The following ACSL3 variants were observed in gnomAD, a reference collection of about 807,000 sequenced individuals.
ACSL3 encodes the protein fatty acid CoA ligase Acsl3.
In ACSL3, 34 loss-of-function variants were observed where a neutral mutation model predicts 84.7. The observed-to-expected ratio is 0.40, with a 90% confidence interval of 0.31 to 0.53. ACSL3 has a LOEUF of 0.53. Among genes scored for constraint, ACSL3 ranks in the 20% least tolerant of loss-of-function variants. The pLI is 0.48. For synonymous variants in ACSL3, 315 were observed against 299.4 expected (o/e 1.05, Z -0.54); for missense variants, 680 against 873.1 (o/e 0.78, Z 2.79).
chr2:222,872,187 C>T (rs527995004), intron 1 of ACSL3, among the ~76,000 whole-genome samples: 23 of 152,272 alleles, frequency 1.5e-4, no homozygotes, highest in South Asian at 8.3e-4. Flanking sequence ...TGCAGTGGCA[C>T]GATCTTGGCT....
intron 3 of ACSL3, among the ~76,000 whole-genome samples, chr2:222,902,645 A>G (rs1455276810): frequency 6.6e-6 from 1 of 152,198 alleles, no homozygotes; most frequent in Non-Finnish European, 1.5e-5. Flanking sequence ...ATGTGGACAC[A>G]TTGAAGGATG....
At chr2:222,921,641 A>C (rs1170162769) in intron 8 of ACSL3, among the ~76,000 whole-genome samples, 2 of 152,204 alleles carry the variant, frequency 1.3e-5, no homozygotes, top group African/African-American at 4.8e-5. Flanking sequence ...ATATATTTTA[A>C]AAAGTACAGA....
At chr2:222,901,795 A>G (rs1696157099) in intron 3 of ACSL3, among the ~76,000 whole-genome samples, 1 of 152,012 alleles carries the variant, frequency 6.6e-6, no homozygotes, top group African/African-American at 2.4e-5. Context: ...AAATACAAAA[A>G]TTAGCTGGGC....
At chr2:222,880,831 C>CAAAA (rs34509695) in intron 1 of ACSL3, among the ~76,000 whole-genome samples, 1 of 75,690 alleles carries the variant, frequency 1.3e-5, no homozygotes, top group African/African-American at 4.5e-5. Flanking sequence ...CTCTGTCTCC[C>CAAAA]AAAAAAAAAA....
chr2:222,899,001 G>T (rs1696066834), intron 2 of ACSL3, among the ~76,000 whole-genome samples: 1 of 152,132 alleles, frequency 6.6e-6, no homozygotes. Context: ...AGGACATTTT[G>T]TCTATTTGAG....
intron 11 of ACSL3, among the ~76,000 whole-genome samples, 164 bp downstream of exon 11, chr2:222,924,759 C>T (rs568300368): frequency 6.6e-6 from 1 of 152,292 alleles, no homozygotes; most frequent in Admixed American, 6.5e-5. Context: ...CGCGGTGGCT[C>T]ATGCCTGTAA....
At chr2:222,916,699 A>G (rs754701893) in intron 5 of ACSL3, 4 of 466,364 alleles carry the variant, frequency 8.6e-6, no homozygotes, top group Non-Finnish European at 1.4e-5. Context: ...TGTTGCAGTG[A>G]GGCTTGAACC....
Position 222,927,057 on chromosome 2 carries a change from A to G in ACSL3, c.1333A>G (p.Ile445Val), listed in dbSNP as rs746842587. ...AGTTCGAAGCTTGCTAGGGGGAAAT[A>G]TTCGTCTCCTGTTGTGTGGTGGCGC... ...RKVRSLLGGN[I>V]RLLLCGGAPL... The change falls in exon 12 of 17, where the codon ATT (isoleucine) becomes GTT (valine). Residue 445 changes from isoleucine (I) to valine (V), a missense_variant. Transcript: ENST00000357430. 23 of 1,613,870 alleles carry G rather than the reference A, an allele frequency of 1.4e-5. No homozygotes were observed. Among genetic ancestry groups the G allele is most frequent in the Non-Finnish European group, 1.8e-5 (21 of 1,179,804 alleles).
chr2:222,882,991 A>G (rs1695629372), intron 1 of ACSL3, among the ~76,000 whole-genome samples: 1 of 26,040 alleles, frequency 3.8e-5, no homozygotes, highest in South Asian at 2.0e-3. Context: ...ATGGGCTCGA[A>G]TCTCCTGACC....
chr2:222,861,072 A>C lies in ACSL3; in HGVS notation c.-393A>C, dbSNP rs1394031417. Reference sequence around the variant, plus strand: ...TGGCTGCGCCGGGCTGCGACACTGCAGTTGTCTACGCGGCCGGGGCCGGGA... The same window carrying C: ...TGGCTGCGCCGGGCTGCGACACTGCCGTTGTCTACGCGGCCGGGGCCGGGA... On this transcript the variant is annotated 5_prime_UTR_variant, in exon 1 of 17. Coordinates refer to ENST00000357430, the MANE Select transcript of ACSL3 (RefSeq NM_004457.5). 1 of 152,214 alleles carries C rather than the reference A, an allele frequency of 6.6e-6. No homozygotes were observed. Among genetic ancestry groups the C allele is most frequent in the Admixed American group, 6.5e-5 (1 of 15,286 alleles). The allele number at this position is 152,214 out of a possible 1,614,324, so 9.4% of individuals were successfully genotyped here. A position where few individuals can be genotyped will look rare whatever the true frequency, so the allele number is the denominator to read the frequency against.
intron 1 of ACSL3, among the ~76,000 whole-genome samples, chr2:222,878,566 A>T (rs904276997): frequency 1.3e-5 from 2 of 152,098 alleles, no homozygotes; most frequent in African/African-American, 4.8e-5. Flanking sequence ...TTTATCCTAC[A>T]ATTGAATATA....
At chr2:222,908,707 A>G (rs1696359761) in intron 3 of ACSL3, 26 bp from the exon 4 acceptor site, 1 of 1,393,780 alleles carries the variant, frequency 7.2e-7, no homozygotes, top group Non-Finnish European at 9.8e-7. Context: ...ATTTTGAACT[A>G]ACGCCTTTCT....
At position 222,927,237 on chromosome 2, in the gene ACSL3, T is replaced by C. The variant is rs1309887827; in HGVS notation, c.1465+48T>C. ...GCTGGAGTGTGATGCCAGACGTTTT[T>C]TTGGGGTATGGGATATTTTCTGCAA... On this transcript the variant is annotated intron_variant, in intron 12 of 16. Transcript: ENST00000357430. 3.1e-6 allele frequency: 5 copies of C among 1,590,186 alleles called. No homozygotes were observed. The East Asian group carries it at 6.8e-5, about 21-fold the overall frequency.
intron 5 of ACSL3, 51 bp from the exon 6 acceptor site, chr2:222,917,995 A>G: frequency 3.0e-6 from 4 of 1,324,090 alleles, no homozygotes; most frequent in Non-Finnish European, 4.3e-6. Flanking sequence ...GAGACTTTAC[A>G]TTTGTAGTTA....
intron 4 of ACSL3, 38 bp from the exon 5 acceptor site, chr2:222,916,281 T>A (rs747996966): frequency 1.5e-6 from 2 of 1,333,330 alleles, no homozygotes; most frequent in Non-Finnish European, 2.0e-6. Context: ...AAATTATTAT[T>A]TTGATTACAT....
intron 1 of ACSL3, among the ~76,000 whole-genome samples, chr2:222,879,823 G>GC (rs1695545420): frequency 1.3e-5 from 2 of 152,268 alleles, no homozygotes; most frequent in African/African-American, 4.8e-5. Flanking sequence ...ACAGTCGTAG[G>GC]CCAGGCAATG....
intron 2 of ACSL3, among the ~76,000 whole-genome samples, chr2:222,888,773 C>A (rs1430834290): frequency 2.0e-5 from 3 of 152,124 alleles, no homozygotes; most frequent in Admixed American, 2.0e-4. Flanking sequence ...TTTCCAGACG[C>A]TTTGTTTGCG....
intron 3 of ACSL3, among the ~76,000 whole-genome samples, chr2:222,903,112 A>G (rs1696194886): frequency 2.0e-5 from 3 of 152,228 alleles, no homozygotes; most frequent in Admixed American, 1.3e-4. Flanking sequence ...TAGTCATGTC[A>G]TGAAATAGAC....
At chr2:222,914,444 T>C (rs1211357186) in intron 4 of ACSL3, among the ~76,000 whole-genome samples, 1 of 152,130 alleles carries the variant, frequency 6.6e-6, no homozygotes. Context: ...TACACTTTTT[T>C]AGACATGGGG....
Sources: gnomAD v4.1 joint callset for allele counts (sites outside exome capture counted in the v4.1 genomes callset) on GRCh38, gnomAD v4.1.1 for gene constraint, MANE v1.5 for transcripts, NCBI Gene and HGNC (gene_info 2026-07-23, HGNC 2026-07-21) for gene names.